Variants in TMEM132C observed in about 807,000 individuals in gnomAD.
TMEM132C encodes transmembrane protein 132C.
A neutral mutation model predicts 61.4 loss-of-function variants in TMEM132C; 29 were observed. The observed-to-expected ratio is 0.47, with a 90% CI of 0.35 to 0.64. The LOEUF (loss-of-function observed/expected upper bound fraction) is 0.64. TMEM132C is among the 30% of genes least tolerant of loss of function. The pLI, the probability that TMEM132C is intolerant of heterozygous loss-of-function variation, is 0.00. For synonymous variants in TMEM132C, 656 were observed against 633.1 expected (o/e 1.04, Z -0.54); for missense variants, 1,408 against 1,476.9 (o/e 0.95, Z 0.76).
chr12:128,599,111 C>T (rs4882806), intron 3 of TMEM132C, among the ~76,000 whole-genome samples: 132,154 of 152,078 alleles, frequency 0.87, 58,588 homozygotes, highest in Non-Finnish European at 0.97. Context: ...CGTTCCTCTG[C>T]GGCTGCAGCT....
At chr12:128,492,734 G>A (rs189428423) in intron 2 of TMEM132C, among the ~76,000 whole-genome samples, 63 of 152,202 alleles carry the variant, frequency 4.1e-4, no homozygotes, top group African/African-American at 1.0e-3. Context: ...TGAGTTCTTC[G>A]TAGATTCTGG....
intron 2 of TMEM132C, among the ~76,000 whole-genome samples, chr12:128,434,007 G>A (rs1004722517): frequency 2.0e-5 from 3 of 152,236 alleles, no homozygotes; most frequent in African/African-American, 7.2e-5. Flanking sequence ...TAGGATGTAT[G>A]TTCCTGGATA....
At chr12:128,355,988 G>C (rs1281425895) in intron 1 of TMEM132C, among the ~76,000 whole-genome samples, 1 of 152,088 alleles carries the variant, frequency 6.6e-6, no homozygotes, top group Non-Finnish European at 1.5e-5. Context: ...GGTCATCTCT[G>C]TGTGGTTAGG....
At chr12:128,268,621 G>T (rs1201210548) in intron 1 of TMEM132C, among the ~76,000 whole-genome samples, 1 of 152,180 alleles carries the variant, frequency 6.6e-6, no homozygotes, top group African/African-American at 2.4e-5. Flanking sequence ...CAGGCTCTGA[G>T]CAGAGAACAC....
At chr12:128,443,231 G>C (rs573942816) in intron 2 of TMEM132C, among the ~76,000 whole-genome samples, 25 of 152,096 alleles carry the variant, frequency 1.6e-4, no homozygotes, top group South Asian at 8.3e-4. Flanking sequence ...GGATGCAAAG[G>C]CATAAAAATG....
chr12:128,398,918 A>G (rs906301723), intron 1 of TMEM132C, among the ~76,000 whole-genome samples: 6 of 152,186 alleles, frequency 3.9e-5, no homozygotes, highest in Admixed American at 3.3e-4. Context: ...TCTCCCTTAT[A>G]ATTCCCCATT....
At chr12:128,468,779 A>G (rs1036234158) in intron 2 of TMEM132C, among the ~76,000 whole-genome samples, 5 of 152,208 alleles carry the variant, frequency 3.3e-5, no homozygotes, top group Admixed American at 3.3e-4. Flanking sequence ...ATAATAATGT[A>G]TTTAGTTGAA....
chr12:128,446,409 G>T (rs1301872990), intron 2 of TMEM132C, among the ~76,000 whole-genome samples: 2 of 152,210 alleles, frequency 1.3e-5, no homozygotes, highest in African/African-American at 4.8e-5. Context: ...GCCCACAAAT[G>T]CCAAGCGTCT....
At chr12:128,433,567 T>C (rs1489304886) in intron 2 of TMEM132C, among the ~76,000 whole-genome samples, 2 of 152,128 alleles carry the variant, frequency 1.3e-5, no homozygotes, top group African/African-American at 4.8e-5. Context: ...ATTTTTCTTA[T>C]TGCAAAAAAT....
At chr12:128,316,123 G>A (rs959935537) in intron 1 of TMEM132C, among the ~76,000 whole-genome samples, 2 of 151,904 alleles carry the variant, frequency 1.3e-5, no homozygotes, top group Non-Finnish European at 2.9e-5. Context: ...TACTTTTGTA[G>A]GTTTATTTTG....
chr12:128,307,223 T>G (rs1871814161), intron 1 of TMEM132C, among the ~76,000 whole-genome samples: 1 of 152,174 alleles, frequency 6.6e-6, no homozygotes, highest in African/African-American at 2.4e-5. Flanking sequence ...CCTCTTAGAC[T>G]GGACATAATT....
intron 4 of TMEM132C, among the ~76,000 whole-genome samples, chr12:128,654,860 GC>G (rs1443865174): frequency 1.3e-5 from 2 of 152,196 alleles, no homozygotes; most frequent in African/African-American, 4.8e-5. Flanking sequence ...GGATGGGCCT[GC>G]CGGTGTATTG....
chr12:128,645,520 A>G (rs1391514512), intron 4 of TMEM132C, among the ~76,000 whole-genome samples: 12 of 152,134 alleles, frequency 7.9e-5, no homozygotes. Context: ...TCACACCCCC[A>G]AATCCTCACT....
intron 3 of TMEM132C, among the ~76,000 whole-genome samples, chr12:128,600,186 G>A (rs375613229): frequency 1.4e-4 from 21 of 152,218 alleles, no homozygotes; most frequent in East Asian, 1.4e-3. Flanking sequence ...GTTTCACCGT[G>A]TTAGCCAGGA....
intron 1 of TMEM132C, chr12:128,404,442 C>T (rs1875268339): frequency 6.6e-6 from 1 of 152,236 alleles, no homozygotes; most frequent in African/African-American, 2.4e-5. Flanking sequence ...GTACCCCATT[C>T]AATCTCCGCA....
rs527577954 is a variant in TMEM132C at position 128,486,608 on chromosome 12, T to G, written c.975-57349T>G. On this transcript the variant is annotated intron_variant, in intron 2 of 8. Transcript: ENST00000435159. Reference sequence around the variant, plus strand: ...GAGAAATGCTGTTTCCTTGACAACATGCCTTTTCTCTTTATTTTTCACTTG... The same window carrying G: ...GAGAAATGCTGTTTCCTTGACAACAGGCCTTTTCTCTTTATTTTTCACTTG... 3.9e-5 allele frequency among the ~76,000 whole-genome samples: 6 copies of G among 152,316 alleles called. No homozygotes were observed. The South Asian group carries it at 1.2e-3, about 32-fold the overall frequency.
intron 1 of TMEM132C, among the ~76,000 whole-genome samples, chr12:128,386,447 G>T (rs148858142): frequency 1.3e-5 from 2 of 152,162 alleles, no homozygotes; most frequent in African/African-American, 4.8e-5. Flanking sequence ...TTCCCTTTCC[G>T]TTGGGCTTCC....
intron 2 of TMEM132C, among the ~76,000 whole-genome samples, chr12:128,474,673 C>T (rs553061142): frequency 1.4e-4 from 22 of 152,266 alleles, no homozygotes; most frequent in East Asian, 7.7e-4. Context: ...TCTGACATCC[C>T]GGGAGAAGAA....
intron 1 of TMEM132C, among the ~76,000 whole-genome samples, chr12:128,374,767 A>G (rs1332652363): frequency 6.6e-6 from 1 of 151,862 alleles, no homozygotes; most frequent in Admixed American, 6.6e-5. Flanking sequence ...TAAAAATACA[A>G]AAATTAGCCA....
Sources: gnomAD v4.1 joint callset for allele counts (sites outside exome capture counted in the v4.1 genomes callset) on GRCh38, gnomAD v4.1.1 for gene constraint, MANE v1.5 for transcripts, NCBI Gene and HGNC (gene_info 2026-07-23, HGNC 2026-07-21) for gene names.